The following FER variants were observed in gnomAD, a reference collection of about 807,000 sequenced individuals.
FER encodes the protein FER tyrosine kinase.
A neutral mutation model predicts 111.0 loss-of-function variants in FER; 63 were observed. The ratio of observed to expected loss-of-function variants is 0.57; its 90% confidence interval spans 0.46 to 0.70. The LOEUF (loss-of-function observed/expected upper bound fraction) is 0.70. Among genes scored for constraint, FER ranks in the 30% least tolerant of loss-of-function variants. The pLI, the probability that FER is intolerant of heterozygous loss-of-function variation, is 0.00. For missense variants in FER, 914 were observed against 954.0 expected, an observed-to-expected ratio of 0.96 and a Z score of 0.55; for synonymous variants, 327 against 313.9, an observed-to-expected ratio of 1.04 and a Z score of -0.44.
rs558694351 is a variant in FER at position 108,809,288 on chromosome 5, T to A, written c.207+10899T>A. On this transcript the variant is annotated intron_variant, in intron 3 of 19. Coordinates refer to ENST00000281092, the MANE Select transcript of FER (RefSeq NM_005246.4). ...TATTTCTCAGAGAGTTTGTTTATTT[T>A]AAAAAATTCTTTTTTATTTACTTTT... Among the ~76,000 whole-genome samples, 10 of 152,338 alleles carry A rather than the reference T, an allele frequency of 6.6e-5. No homozygotes were observed. The South Asian group carries it at 1.7e-3, about 25-fold the overall frequency.
chr5:109,036,971 C>T (rs965467317), intron 13 of FER, among the ~76,000 whole-genome samples: 1 of 151,850 alleles, frequency 6.6e-6, no homozygotes, highest in African/African-American at 2.4e-5. Flanking sequence ...TAACTCATGG[C>T]CCATTTATAT....
chr5:108,857,170 A>G (rs1211144142), intron 5 of FER, among the ~76,000 whole-genome samples: 1 of 152,228 alleles, frequency 6.6e-6, no homozygotes, highest in East Asian at 1.9e-4. Flanking sequence ...ATGTGTGTGT[A>G]TGTGTAAATA....
intron 13 of FER, among the ~76,000 whole-genome samples, chr5:109,014,554 T>C (rs543266042): frequency 8.4e-4 from 128 of 152,282 alleles, no homozygotes; most frequent in African/African-American, 3.1e-3. Flanking sequence ...AGGATTGACT[T>C]GGCGATGTGG....
intron 17 of FER, among the ~76,000 whole-genome samples, chr5:109,124,459 A>C (rs1224810119): frequency 6.6e-6 from 1 of 152,240 alleles, no homozygotes; most frequent in Non-Finnish European, 1.5e-5. Context: ...TAAATTGCCC[A>C]GAATGGCTTT....
intron 14 of FER, among the ~76,000 whole-genome samples, chr5:109,040,787 C>T (rs1164355192): frequency 6.6e-6 from 1 of 152,014 alleles, no homozygotes; most frequent in Non-Finnish European, 1.5e-5. Flanking sequence ...AGTGAAAATT[C>T]ATCATTTAAG....
chr5:109,127,307 C>G (rs1421396455), intron 17 of FER, among the ~76,000 whole-genome samples: 2 of 152,114 alleles, frequency 1.3e-5, no homozygotes, highest in African/African-American at 4.8e-5. Flanking sequence ...GAGTGTGTCT[C>G]TGTGTGTATT....
chr5:108,875,369 C>T lies in FER; in HGVS notation c.923+3157C>T, dbSNP rs116110046. On this transcript the variant is annotated intron_variant, in intron 8 of 19. Coordinates refer to ENST00000281092, the MANE Select transcript of FER (RefSeq NM_005246.4). ...CTATTATATATAATATAATTTCTCT[C>T]CTTCCCTACCAACACCTATCTCCCA... Among the ~76,000 whole-genome samples, 985 of 152,126 alleles carry T rather than the reference C, an allele frequency of 6.5e-3. 8 individuals are homozygous for T. Among genetic ancestry groups the T allele is most frequent in the Middle Eastern group, 0.014 (4 of 294 alleles).
intron 13 of FER, among the ~76,000 whole-genome samples, chr5:109,033,209 C>T (rs1055792996): frequency 1.9e-4 from 29 of 152,142 alleles, no homozygotes; most frequent in African/African-American, 6.8e-4. Context: ...AGGCAGTCTG[C>T]TTCCATTTTT....
At chr5:109,118,475 G>T (rs569736844) in intron 17 of FER, among the ~76,000 whole-genome samples, 15 of 152,016 alleles carry the variant, frequency 9.9e-5, no homozygotes, top group Non-Finnish European at 2.2e-4. Flanking sequence ...CTCTTTTTTT[G>T]TTGTGTCTCT....
At position 109,053,913 on chromosome 5, in the gene FER, G is replaced by A. The variant is rs551335797; in HGVS notation, c.1924+6715G>A. ...TCACCATGTTAGCCAGGATGGTCTC[G>A]ATCTCCTGACCTCGTGATCCGCCCG... On this transcript the variant is annotated intron_variant, in intron 16 of 19. Coordinates refer to ENST00000281092, the MANE Select transcript of FER (RefSeq NM_005246.4). 6.6e-5 allele frequency among the ~76,000 whole-genome samples: 10 copies of A among 151,908 alleles called. No homozygotes were observed. In the South Asian group the frequency reaches 1.5e-3, roughly 22 times the overall value.
At chr5:109,014,983 T>C (rs576378893) in intron 13 of FER, 1 of 152,050 alleles carries the variant, frequency 6.6e-6, no homozygotes, top group African/African-American at 2.4e-5. Context: ...TGATTTTTTT[T>C]AAAGACTGTT....
chr5:108,886,292 T>C (rs1325934580), intron 9 of FER, among the ~76,000 whole-genome samples: 1 of 151,508 alleles, frequency 6.6e-6, no homozygotes, highest in Non-Finnish European at 1.5e-5. Context: ...TATCAGGATA[T>C]GAGAATGGAT....
chr5:109,017,700 T>C (rs912780659), intron 13 of FER, among the ~76,000 whole-genome samples: 1 of 151,992 alleles, frequency 6.6e-6, no homozygotes, highest in African/African-American at 2.4e-5. Context: ...TTAAATGTTA[T>C]TATAGTTATT....
chr5:109,089,189 C>T (rs528118597), intron 16 of FER, among the ~76,000 whole-genome samples: 1 of 152,290 alleles, frequency 6.6e-6, no homozygotes, highest in African/African-American at 2.4e-5. Flanking sequence ...AATGTATCAG[C>T]TTCATCACAT....
At chr5:108,906,873 A>G (rs1208448355) in intron 10 of FER, among the ~76,000 whole-genome samples, 2 of 152,068 alleles carry the variant, frequency 1.3e-5, no homozygotes, top group East Asian at 1.9e-4. Context: ...CCATGATTTT[A>G]TTCATTCTAC....
At chr5:108,893,989 C>A (rs62360826) in intron 9 of FER, among the ~76,000 whole-genome samples, 1 of 148,378 alleles carries the variant, frequency 6.7e-6, no homozygotes, top group African/African-American at 2.5e-5. Context: ...TTTTTTTCCC[C>A]TGCATCATAA....
intron 10 of FER, among the ~76,000 whole-genome samples, chr5:108,900,288 A>G (rs1194251603): frequency 6.6e-6 from 1 of 152,232 alleles, no homozygotes; most frequent in Non-Finnish European, 1.5e-5. Flanking sequence ...GAATACATCT[A>G]CATGTGTCAG....
intron 5 of FER, among the ~76,000 whole-genome samples, chr5:108,867,544 T>C (rs1023727627): frequency 6.1e-5 from 9 of 147,284 alleles, no homozygotes; most frequent in African/African-American, 2.3e-4. Flanking sequence ...TTATTCACCA[T>C]TTAGTATCCT....
intron 12 of FER, 96 bp from the exon 13 acceptor site, chr5:108,959,129 A>G (rs1198854938): frequency 3.2e-6 from 4 of 1,261,112 alleles, no homozygotes; most frequent in Admixed American, 2.1e-5. Context: ...TTGTGCAATT[A>G]TAGTTTTTTT....
Sources: gnomAD v4.1 joint callset for allele counts (sites outside exome capture counted in the v4.1 genomes callset) on GRCh38, gnomAD v4.1.1 for gene constraint, MANE v1.5 for transcripts, NCBI Gene and HGNC (gene_info 2026-07-23, HGNC 2026-07-21) for gene names.